STOM: variants seen among roughly 807,000 people sequenced by gnomAD.
STOM encodes erythrocyte band 7 integral membrane protein.
STOM carries 25 observed loss-of-function variants against 30.6 expected under a neutral mutation model. The ratio of observed to expected loss-of-function variants is 0.82; its 90% CI spans 0.60 to 1.14. STOM has a LOEUF of 1.14. Among genes scored for constraint, STOM ranks in the 50% most tolerant of loss-of-function variants. The probability of loss-of-function intolerance (pLI) is 0.00; values close to 1 mark genes in which losing one functional copy is unlikely to be tolerated. For missense variants in STOM, 292 were observed against 365.2 expected (o/e 0.80, Z 1.63); for synonymous variants, 118 against 130.8 (o/e 0.90, Z 0.67).
At chr9:121,364,059 C>T (rs150950398) in intron 1 of STOM, among the ~76,000 whole-genome samples, 194 of 151,170 alleles carry the variant, frequency 1.3e-3, no homozygotes, top group Non-Finnish European at 1.7e-3. Flanking sequence ...ATAGCAGAAG[C>T]GAAGGAAAAT....
At position 121,356,076 on chromosome 9, in the gene STOM, T is replaced by C. The variant is rs761443183; in HGVS notation, c.142A>G (p.Ile48Val). ...ACCTTTATGCACATCCATATTGAGA[T>C]TGGGAAAGTTATAACGGTGAATAAG... ...SFLFTVITFPISIWMCIKIIK... is the reference protein window; with the variant it reads ...SFLFTVITFPVSIWMCIKIIK... The change falls in exon 2 of 7, where the codon ATC (isoleucine) becomes GTC (valine). Residue 48 changes from isoleucine (I) to valine (V), a missense_variant. Coordinates refer to ENST00000286713, the MANE Select transcript of STOM (RefSeq NM_004099.6). The C allele has an allele frequency of 3.7e-6, 6 of 1,613,944 alleles. No individual in the cohort carries two copies. In the African/African-American group the frequency reaches 5.3e-5, roughly 14 times the overall value.
intron 1 of STOM, among the ~76,000 whole-genome samples, chr9:121,358,034 G>A (rs1423184091): frequency 6.6e-6 from 1 of 151,886 alleles, no homozygotes; most frequent in African/African-American, 2.4e-5. Flanking sequence ...GGGTGCAGGG[G>A]TCACACCTGT....
intron 1 of STOM, among the ~76,000 whole-genome samples, chr9:121,366,951 G>C (rs1343344731): frequency 1.3e-5 from 2 of 151,828 alleles, no homozygotes; most frequent in Non-Finnish European, 2.9e-5. Context: ...GCTGGGTGTG[G>C]TGGTGCATAC....
At chr9:121,351,073 A>C (rs960028711) in intron 4 of STOM, among the ~76,000 whole-genome samples, 1 of 152,200 alleles carries the variant, frequency 6.6e-6, no homozygotes, top group African/African-American at 2.4e-5. Flanking sequence ...CCCTTCACAG[A>C]AACTTCACAG....
Position 121,370,132 on chromosome 9 carries a change from A to C in STOM, c.56T>G (p.Phe19Cys), listed in dbSNP as rs1195145650. The C allele has an allele frequency of 6.5e-7, 1 of 1,544,992 alleles. No individual in the cohort carries two copies. ...TCAGGGGACGCGGGACTCACCCTTG[A>C]AGGAGTCGGGGAGCCGCTGGGCTTC... ...DSEAQRLPDS[F>C]KDSPSKGLGP... Residue 19 changes from phenylalanine (F) to cysteine (C), a missense_variant, in exon 1 of 7, where the codon TTC (phenylalanine) becomes TGC (cysteine). Transcript: ENST00000286713.
At chr9:121,350,681 T>C (rs1167655692) in intron 4 of STOM, among the ~76,000 whole-genome samples, 1 of 152,232 alleles carries the variant, frequency 6.6e-6, no homozygotes, top group African/African-American at 2.4e-5. Flanking sequence ...ATGGCGCTAA[T>C]AATACTGCCT....
At chr9:121,341,799 T>A (rs887673713) in intron 6 of STOM, among the ~76,000 whole-genome samples, 1 of 152,182 alleles carries the variant, frequency 6.6e-6, no homozygotes, top group Non-Finnish European at 1.5e-5. Context: ...AGCTGACAGG[T>A]CATTATAAAT....
Position 121,345,792 on chromosome 9 carries a change from G to C in STOM, c.660+2223C>G, listed in dbSNP as rs140688458. Among the ~76,000 whole-genome samples, 534 of 152,226 alleles carry C rather than the reference G, an allele frequency of 3.5e-3. 2 individuals are homozygous for C. The highest frequency in any genetic ancestry group is 0.012 in the African/African-American group (496 of 41,538). On this transcript the variant is annotated intron_variant, in intron 6 of 6. Transcript: ENST00000286713. ...AAACTCTTAAGAATGCTATGGAAGAGGCTCATAGCCCATCCTGGGAAGTCA... is the reference window on the plus strand; with the variant it reads ...AAACTCTTAAGAATGCTATGGAAGACGCTCATAGCCCATCCTGGGAAGTCA...
chr9:121,342,424 A>T (rs2064254467), intron 6 of STOM, among the ~76,000 whole-genome samples: 1 of 152,110 alleles, frequency 6.6e-6, no homozygotes, highest in Admixed American at 6.6e-5. Flanking sequence ...TGTTTGTAGA[A>T]CCTTGTTTTT....
intron 1 of STOM, among the ~76,000 whole-genome samples, chr9:121,369,483 T>C (rs553270349): frequency 7.4e-6 from 1 of 136,026 alleles, no homozygotes; most frequent in East Asian, 2.2e-4. Context: ...AGGGTGGGGG[T>C]GAGGGTGGGA....
intron 4 of STOM, among the ~76,000 whole-genome samples, chr9:121,350,087 A>G (rs1462259779): frequency 2.0e-5 from 3 of 152,194 alleles, no homozygotes; most frequent in Admixed American, 6.5e-5. Context: ...TTATTATTTC[A>G]TCTTGGATAA....
At chr9:121,348,552 T>C (rs2064309975) in intron 5 of STOM, among the ~76,000 whole-genome samples, 1 of 152,236 alleles carries the variant, frequency 6.6e-6, no homozygotes, top group African/African-American at 2.4e-5. Context: ...TGACTCTGTG[T>C]AAGTCATATT....
chr9:121,359,265 C>T (rs749913735), intron 1 of STOM, among the ~76,000 whole-genome samples: 2 of 152,140 alleles, frequency 1.3e-5, no homozygotes, highest in Admixed American at 6.5e-5. Context: ...AGAAGAGAGA[C>T]ACATGTTGGC....
intron 6 of STOM, among the ~76,000 whole-genome samples, chr9:121,345,661 C>T (rs569515664): frequency 6.6e-6 from 1 of 152,284 alleles, no homozygotes; most frequent in East Asian, 1.9e-4. Flanking sequence ...TGCTTCTAGA[C>T]TAACCCTACA....
At chr9:121,351,480 TC>T (rs2064338785) in intron 4 of STOM, among the ~76,000 whole-genome samples, 1 of 152,260 alleles carries the variant, frequency 6.6e-6, no homozygotes, top group African/African-American at 2.4e-5. Flanking sequence ...CCAGGCTCCA[TC>T]ACCATGCTGA....
At chr9:121,356,312 T>C (rs913096135) in intron 1 of STOM, among the ~76,000 whole-genome samples, 156 bp from the exon 2 acceptor site, 19 of 152,222 alleles carry the variant, frequency 1.2e-4, no homozygotes, top group Non-Finnish European at 2.8e-4. Flanking sequence ...CCCTGAAGTG[T>C]AAGTACTACT....
chr9:121,357,233 C>T (rs78755827), intron 1 of STOM, among the ~76,000 whole-genome samples: 5,824 of 151,834 alleles, frequency 0.038, 338 homozygotes, highest in Admixed American at 0.15. Context: ...TCTTTGTACA[C>T]GGCTTTCCTC....
intron 6 of STOM, among the ~76,000 whole-genome samples, chr9:121,345,919 A>G (rs1022488505): frequency 2.6e-5 from 4 of 151,928 alleles, no homozygotes; most frequent in African/African-American, 9.6e-5. Context: ...CAGAGCTTCA[A>G]TTTTTCCTTT....
chr9:121,368,920 G>T (rs1334748514), intron 1 of STOM, among the ~76,000 whole-genome samples: 1 of 140,904 alleles, frequency 7.1e-6, no homozygotes, highest in African/African-American at 2.7e-5. Flanking sequence ...CAAGAAAAGC[G>T]AAACTCCGTC....
Sources: allele counts gnomAD v4.1 joint callset (sites outside exome capture counted in the v4.1 genomes callset), GRCh38; gene constraint gnomAD v4.1.1; transcripts MANE v1.5; gene names NCBI Gene and HGNC (gene_info 2026-07-23, HGNC 2026-07-21).